Variants in SRPK2 observed in about 807,000 individuals in gnomAD.
The protein encoded by SRPK2 is SRSF protein kinase 2.
In SRPK2, 21 loss-of-function variants were observed where a neutral mutation model predicts 90.8. The observed-to-expected ratio is 0.23, with a 90% confidence interval of 0.16 to 0.33. The LOEUF is 0.33. Among genes scored for constraint, SRPK2 ranks in the 10% least tolerant of loss-of-function variants. The probability of loss-of-function intolerance (pLI) is 1.00; values close to 1 mark genes in which losing one functional copy is unlikely to be tolerated. For synonymous variants in SRPK2, 288 were observed against 311.1 expected (o/e 0.93, Z 0.78); for missense variants, 620 against 869.0 (o/e 0.71, Z 3.60).
At chr7:105,209,392 A>T (rs1260047512) in intron 2 of SRPK2, among the ~76,000 whole-genome samples, 1 of 152,094 alleles carries the variant, frequency 6.6e-6, no homozygotes, top group Non-Finnish European at 1.5e-5. Flanking sequence ...AAAACTACAA[A>T]AATTAGCTGG....
intron 2 of SRPK2, among the ~76,000 whole-genome samples, chr7:105,324,017 G>GTGTGTGTGTGTGTGT (rs57000432): frequency 6.7e-6 from 1 of 148,446 alleles, no homozygotes; most frequent in Admixed American, 6.7e-5. Context: ...GTGTGTGTGT[G>GTGTGTGTGTGTGTGT]GTGGAGTCTC....
chr7:105,238,759 G>A (rs113142609), intron 2 of SRPK2, among the ~76,000 whole-genome samples: 10 of 150,206 alleles, frequency 6.7e-5, no homozygotes, highest in Non-Finnish European at 1.5e-4. Context: ...TTTGTTCTGT[G>A]TTTTGATTTT....
chr7:105,257,422 G>A lies in SRPK2; in HGVS notation c.72-53637C>T, dbSNP rs73715543. On this transcript the variant is annotated intron_variant, in intron 2 of 15. Coordinates refer to ENST00000393651, the MANE Select transcript of SRPK2 (RefSeq NM_182692.3). ...AAGAGGATCCCAAAGAGAAGAGGAA[G>A]TGCCACTGCTGACATGCAAAATTAT... is the stretch of plus-strand genomic sequence containing the variant. 9.5e-3 allele frequency among the ~76,000 whole-genome samples: 1,446 copies of A among 152,298 alleles called. 16 individuals are homozygous for A. Among genetic ancestry groups the A allele is most frequent in the African/African-American group, 0.033 (1,375 of 41,554 alleles).
intron 2 of SRPK2, chr7:105,244,533 C>T (rs978606424): frequency 5.7e-5 from 30 of 529,628 alleles, no homozygotes; most frequent in Admixed American, 1.9e-4. Context: ...AAGATCGTGC[C>T]ACTGCACTCC....
At chr7:105,268,762 C>T (rs769536003) in intron 2 of SRPK2, 1 of 1,549,988 alleles carries the variant, frequency 6.5e-7, no homozygotes, top group Admixed American at 1.7e-5. Flanking sequence ...TGTTTCTTAG[C>T]AATGCTACAC....
At chr7:105,369,666 T>TC (rs1403950458) in intron 2 of SRPK2, among the ~76,000 whole-genome samples, 4 of 151,122 alleles carry the variant, frequency 2.6e-5, no homozygotes, top group Non-Finnish European at 5.9e-5. Flanking sequence ...TCATGCCCAA[T>TC]CCCCCCAAAA....
intron 2 of SRPK2, among the ~76,000 whole-genome samples, chr7:105,285,385 C>CAAAAAAA (rs58399129): frequency 3.3e-4 from 35 of 106,198 alleles, no homozygotes; most frequent in African/African-American, 1.2e-3. Context: ...ACCCCGTCTC[C>CAAAAAAA]AAAAAAAAAA....
chr7:105,215,112 G>C (rs1222952843), intron 2 of SRPK2, among the ~76,000 whole-genome samples: 1 of 152,194 alleles, frequency 6.6e-6, no homozygotes, highest in African/African-American at 2.4e-5. Flanking sequence ...CAACAAATGG[G>C]GACGGAACAA....
intron 2 of SRPK2, among the ~76,000 whole-genome samples, chr7:105,271,153 T>C (rs1484994083): frequency 6.6e-6 from 1 of 152,212 alleles, no homozygotes; most frequent in East Asian, 1.9e-4. Context: ...ATCTTCATCA[T>C]GGCAATTTTG....
chr7:105,329,155 C>T (rs73716654), intron 2 of SRPK2, among the ~76,000 whole-genome samples: 5,213 of 152,188 alleles, frequency 0.034, 314 homozygotes, highest in African/African-American at 0.12. Context: ...TTTTCTCCCA[C>T]ATTGCCTGAA....
intron 2 of SRPK2, among the ~76,000 whole-genome samples, chr7:105,285,684 T>C (rs2130905237): frequency 6.6e-6 from 1 of 152,242 alleles, no homozygotes; most frequent in African/African-American, 2.4e-5. Context: ...TAAAAGTATC[T>C]GGCACTTACT....
At chr7:105,343,916 C>A (rs1230781364) in intron 2 of SRPK2, among the ~76,000 whole-genome samples, 1 of 152,106 alleles carries the variant, frequency 6.6e-6, no homozygotes, top group Admixed American at 6.6e-5. Context: ...GCATGCGCCA[C>A]CACACCCGGC....
intron 2 of SRPK2, among the ~76,000 whole-genome samples, chr7:105,224,279 T>TTAC (rs1340205127): frequency 6.6e-6 from 1 of 152,132 alleles, no homozygotes; most frequent in African/African-American, 2.4e-5. Context: ...TTTGTTAGAG[T>TTAC]TACTGTTAGG....
intron 2 of SRPK2, among the ~76,000 whole-genome samples, chr7:105,340,334 A>G (rs1047170071): frequency 6.6e-6 from 1 of 152,142 alleles, no homozygotes; most frequent in African/African-American, 2.4e-5. Flanking sequence ...GAGCACCACG[A>G]AAGAACAAAA....
chr7:105,206,104 T>C, intron 2 of SRPK2: 2 of 464,704 alleles, frequency 4.3e-6, no homozygotes, highest in Non-Finnish European at 4.3e-6. Flanking sequence ...CTTTTCACCA[T>C]CGCTGCCCTC....
In SRPK2 at chr7:105,126,347, A is replaced by G. The variant is rs770405546; in HGVS notation, c.1823-7T>C. ...ATGATGTGGGCTATGTGGTCTATGG[A>G]GGAGAGAAAAAAAGGATATGGGAAT... On this transcript the variant is annotated splice_polypyrimidine_tract_variant and splice_region_variant and intron_variant, in intron 14 of 15. Transcript: ENST00000393651. The G allele has an allele frequency of 6.2e-7, 1 of 1,608,398 alleles. No individual in the cohort carries two copies. The highest frequency in any genetic ancestry group is 2.2e-5 in the East Asian group (1 of 44,852).
intron 2 of SRPK2, among the ~76,000 whole-genome samples, chr7:105,385,189 T>TC (rs1821409420): frequency 1.3e-5 from 1 of 79,608 alleles, no homozygotes; most frequent in Non-Finnish European, 2.8e-5. Flanking sequence ...TTTTTTTTTT[T>TC]TTTTTTTTTG....
intron 2 of SRPK2, among the ~76,000 whole-genome samples, chr7:105,305,072 A>G (rs896192424): frequency 6.6e-6 from 1 of 152,234 alleles, no homozygotes; most frequent in African/African-American, 2.4e-5. Context: ...GGTCAAGTTC[A>G]TATTTTCATA....
At chr7:105,389,272 A>C (rs1380879679), upstream of SRPK2, 3 of 1,272,984 alleles carry the variant, frequency 2.4e-6, no homozygotes, top group Non-Finnish European at 3.1e-6. Context: ...CCGCTGCTCC[A>C]TGCGCCCGTC....
Sources: allele counts gnomAD v4.1 joint callset (sites outside exome capture counted in the v4.1 genomes callset), GRCh38; gene constraint gnomAD v4.1.1; transcripts MANE v1.5; gene names NCBI Gene and HGNC (gene_info 2026-07-23, HGNC 2026-07-21).